The following ZNF521 variants were observed in gnomAD, a reference collection of about 807,000 sequenced individuals.
ZNF521 encodes the protein LYST-interacting protein 3.
In ZNF521, 14 loss-of-function variants were observed where a neutral mutation model predicts 105.5. The ratio of observed to expected loss-of-function variants is 0.13; its 90% CI spans 0.09 to 0.21. The LOEUF is 0.21. Ranked by LOEUF, ZNF521 falls within the 10% of genes least tolerant of loss-of-function variation. ZNF521 has a pLI of 1.00. For missense variants in ZNF521, 1,233 were observed against 1,629.7 expected, an observed-to-expected ratio of 0.76 and a Z score of 4.19; for synonymous variants, 635 against 606.0, an observed-to-expected ratio of 1.05 and a Z score of -0.70.
At chr18:25,124,280 G>A (rs2034497843) in intron 5 of ZNF521, among the ~76,000 whole-genome samples, 1 of 152,132 alleles carries the variant, frequency 6.6e-6, no homozygotes, top group Middle Eastern at 3.4e-3. Context: ...GAGGAGGTGG[G>A]GAAGAACTAA....
At chr18:25,252,813 C>T (rs577206278) in intron 3 of ZNF521, among the ~76,000 whole-genome samples, 2 of 152,090 alleles carry the variant, frequency 1.3e-5, no homozygotes, top group African/African-American at 4.8e-5. Context: ...GCTAGAAATG[C>T]TTTATATCTG....
At chr18:25,156,689 T>G (rs1038607628) in intron 5 of ZNF521, among the ~76,000 whole-genome samples, 2 of 152,164 alleles carry the variant, frequency 1.3e-5, no homozygotes, top group Admixed American at 1.3e-4. Flanking sequence ...TTCATATATA[T>G]GGAAAATCTA....
chr18:25,092,951 T>C (rs1486801236), intron 5 of ZNF521, among the ~76,000 whole-genome samples: 2 of 152,218 alleles, frequency 1.3e-5, no homozygotes, highest in Non-Finnish European at 2.9e-5. Flanking sequence ...ACTTATTTCA[T>C]TGTGCAATTG....
At chr18:25,307,014 T>G (rs1370679051) in intron 3 of ZNF521, among the ~76,000 whole-genome samples, 5 of 152,156 alleles carry the variant, frequency 3.3e-5, no homozygotes, top group Admixed American at 3.3e-4. Context: ...GCTTCTTTAT[T>G]TTTCCTAGTA....
chr18:25,191,960 T>G (rs1365297176), intron 5 of ZNF521, among the ~76,000 whole-genome samples: 3 of 152,164 alleles, frequency 2.0e-5, no homozygotes, highest in Non-Finnish European at 2.9e-5. Flanking sequence ...CACTTGTATC[T>G]TGTTGTATTC....
chr18:25,215,905 A>G (rs1004593634), intron 4 of ZNF521, among the ~76,000 whole-genome samples: 3 of 152,178 alleles, frequency 2.0e-5, no homozygotes, highest in African/African-American at 7.2e-5. Context: ...AATATTGAAT[A>G]CAACAACAAC....
intron 2 of ZNF521, among the ~76,000 whole-genome samples, chr18:25,349,099 C>G (rs932805811): frequency 3.3e-5 from 5 of 151,998 alleles, no homozygotes; most frequent in Admixed American, 1.3e-4. Context: ...AATTCCTTCA[C>G]GGGGTTTCAG....
Position 25,338,259 on chromosome 18 carries a change from T to TTGTGTGTGTGTGTGTGTGTGTG in ZNF521, c.40+12626_40+12647dup, listed in dbSNP as rs34813730. Among the ~76,000 whole-genome samples, 552 of 136,572 alleles carry TTGTGTGTGTGTGTGTGTGTGTG rather than the reference T, an allele frequency of 4.0e-3. 4 individuals carry two copies. The highest frequency in any genetic ancestry group is 0.017 in the East Asian group (75 of 4,400). 89.6% of individuals were successfully genotyped at this position (136,572 alleles called of 152,430 possible). A position where few individuals can be genotyped will look rare whatever the true frequency, so the allele number is the denominator to read the frequency against. The stretch of plus-strand genomic sequence containing the variant: ...AATTCAAACAACCTCTCATAGACTT[T>TTGTGTGTGTGTGTGTGTGTGTG]TGTGTGTGTGTGTGTGTGTGTGTGT... On this transcript the variant is annotated intron_variant, in intron 2 of 7. Transcript: ENST00000361524.
intron 3 of ZNF521, among the ~76,000 whole-genome samples, chr18:25,304,039 T>C (rs554125575): frequency 6.6e-6 from 1 of 152,302 alleles, no homozygotes; most frequent in South Asian, 2.1e-4. Flanking sequence ...TAAGAAGCAA[T>C]AAGACTTTTC....
chr18:25,285,979 C>T (rs1600258468), intron 3 of ZNF521, among the ~76,000 whole-genome samples: 1 of 152,296 alleles, frequency 6.6e-6, no homozygotes, highest in African/African-American at 2.4e-5. Flanking sequence ...CCAACTTCTG[C>T]TCATATCAGG....
chr18:25,125,211 T>G (rs1010318830), intron 5 of ZNF521, among the ~76,000 whole-genome samples: 1 of 152,120 alleles, frequency 6.6e-6, no homozygotes, highest in Non-Finnish European at 1.5e-5. Flanking sequence ...ATTTGAATCT[T>G]ATCTAGCCAC....
chr18:25,267,026 G>A (rs1909312431), intron 3 of ZNF521, among the ~76,000 whole-genome samples: 1 of 152,238 alleles, frequency 6.6e-6, no homozygotes, highest in South Asian at 2.1e-4. Flanking sequence ...AGATCCACTG[G>A]CTTGAAATTC....
Position 25,157,645 on chromosome 18 carries a change from A to G in ZNF521, c.3658+37515T>C, listed in dbSNP as rs183474215. Among the ~76,000 whole-genome samples, 7 of 152,326 alleles carry G rather than the reference A, an allele frequency of 4.6e-5. No individual in the cohort carries two copies. The East Asian group carries it at 9.6e-4, about 21-fold the overall frequency. On this transcript the variant is annotated intron_variant, in intron 5 of 7. Coordinates refer to ENST00000361524, the MANE Select transcript of ZNF521 (RefSeq NM_015461.3). ...ATTAAGGCATATAAAGAATATAAAG[A>G]AGGAGTCCCTGTGTCTCAGTGATTT...
intron 3 of ZNF521, among the ~76,000 whole-genome samples, chr18:25,231,049 C>A (rs1906497802): frequency 6.6e-6 from 1 of 152,158 alleles, no homozygotes; most frequent in Non-Finnish European, 1.5e-5. Flanking sequence ...GACAGGAATG[C>A]CCATGATTCA....
intron 7 of ZNF521, among the ~76,000 whole-genome samples, chr18:25,085,575 A>ATG (rs931395445): frequency 1.9e-4 from 29 of 152,040 alleles, no homozygotes; most frequent in Middle Eastern, 3.4e-3. Context: ...CACTATATAT[A>ATG]TGTGTACATA....
intron 5 of ZNF521, among the ~76,000 whole-genome samples, chr18:25,151,087 G>C (rs1052563876): frequency 1.3e-5 from 2 of 151,828 alleles, no homozygotes; most frequent in African/African-American, 4.8e-5. Context: ...ACCGCACCTG[G>C]CCCTGATCCA....
intron 5 of ZNF521, among the ~76,000 whole-genome samples, chr18:25,161,972 T>C (rs2144525740): frequency 6.6e-6 from 1 of 152,286 alleles, no homozygotes; most frequent in South Asian, 2.1e-4. Context: ...AACTACCTTC[T>C]GTGGGATTTT....
intron 5 of ZNF521, among the ~76,000 whole-genome samples, chr18:25,135,217 C>T (rs1199312328): frequency 6.6e-6 from 1 of 151,752 alleles, no homozygotes. Context: ...AAAAGAGAAA[C>T]ATTTTAAATG....
chr18:25,294,119 A>C (rs1419672104), intron 3 of ZNF521, among the ~76,000 whole-genome samples: 1 of 152,226 alleles, frequency 6.6e-6, no homozygotes, highest in Non-Finnish European at 1.5e-5. Flanking sequence ...TTACTGGATA[A>C]TACTCTGCAG....
Sources: gnomAD v4.1 joint callset for allele counts (sites outside exome capture counted in the v4.1 genomes callset) on GRCh38, gnomAD v4.1.1 for gene constraint, MANE v1.5 for transcripts, NCBI Gene and HGNC (gene_info 2026-07-23, HGNC 2026-07-21) for gene names.